The following ZHX3 variants were observed in gnomAD, a reference collection of about 807,000 sequenced individuals.
ZHX3 encodes zinc fingers and homeoboxes protein 3.
Under a neutral mutation model 64.5 loss-of-function variants are expected in ZHX3, and 20 were observed. The observed-to-expected ratio is 0.31, with a 90% CI of 0.22 to 0.45. The LOEUF is 0.45. Ranked by LOEUF, ZHX3 falls within the 20% of genes least tolerant of loss-of-function variation. The pLI, the probability that ZHX3 is intolerant of heterozygous loss-of-function variation, is 1.00. For missense variants in ZHX3, 1,041 were observed against 1,195.8 expected (o/e 0.87, Z 1.91); for synonymous variants, 423 against 461.6 (o/e 0.92, Z 1.07).
At chr20:41,225,553 T>A (rs914023141) in intron 2 of ZHX3, among the ~76,000 whole-genome samples, 1 of 152,214 alleles carries the variant, frequency 6.6e-6, no homozygotes, top group Admixed American at 6.5e-5. Flanking sequence ...AGTGGCGTGA[T>A]CTTGACTCAC....
intron 1 of ZHX3, among the ~76,000 whole-genome samples, chr20:41,279,725 T>C (rs2043575163): frequency 6.6e-6 from 1 of 152,164 alleles, no homozygotes; most frequent in African/African-American, 2.4e-5. Flanking sequence ...TGAGGACTTC[T>C]GGGCCAAAGG....
intron 2 of ZHX3, among the ~76,000 whole-genome samples, chr20:41,239,388 C>T (rs2041236181): frequency 6.6e-6 from 1 of 152,136 alleles, no homozygotes; most frequent in African/African-American, 2.4e-5. Context: ...AAGGTAACTC[C>T]AGCAGCCCCA....
At position 41,301,816 on chromosome 20, in the gene ZHX3, A is replaced by G. The variant is rs550733349; in HGVS notation, c.-245+15693T>C. 7.8e-3 allele frequency among the ~76,000 whole-genome samples: 1,185 copies of G among 152,156 alleles called. 12 individuals are homozygous for G. Among genetic ancestry groups the G allele is most frequent in the African/African-American group, 0.027 (1,122 of 41,496 alleles). On this transcript the variant is annotated intron_variant, in intron 1 of 3. Transcript: ENST00000683867. ...ACGCCTGTAATCCCAGCACTTTGGG[A>G]GGCCGAGGCGGGCGGATCACGAGGT...
chr20:41,258,256 A>G (rs890679147), intron 2 of ZHX3, among the ~76,000 whole-genome samples: 5 of 152,214 alleles, frequency 3.3e-5, no homozygotes, highest in Admixed American at 2.0e-4. Flanking sequence ...AAAAGTTGCA[A>G]AAATCGTACA....
At chr20:41,260,003 A>G (rs770962083) in intron 2 of ZHX3, among the ~76,000 whole-genome samples, 1 of 152,232 alleles carries the variant, frequency 6.6e-6, no homozygotes, top group East Asian at 1.9e-4. Flanking sequence ...CCAGAATGGA[A>G]TGATAGTTCA....
At chr20:41,216,798 A>G (rs1268285107) in intron 2 of ZHX3, among the ~76,000 whole-genome samples, 2 of 152,238 alleles carry the variant, frequency 1.3e-5, no homozygotes, top group Non-Finnish European at 2.9e-5. Flanking sequence ...CTTTCAAGTA[A>G]ACTGTACTGA....
intron 1 of ZHX3, among the ~76,000 whole-genome samples, chr20:41,311,100 G>T (rs990039840): frequency 6.6e-6 from 1 of 152,112 alleles, no homozygotes; most frequent in Non-Finnish European, 1.5e-5. Context: ...GAGCCACCGT[G>T]CCCGGCCAAT....
At chr20:41,283,471 T>C (rs1312672493) in intron 1 of ZHX3, among the ~76,000 whole-genome samples, 2 of 152,110 alleles carry the variant, frequency 1.3e-5, no homozygotes, top group African/African-American at 4.8e-5. Flanking sequence ...AACATCACTT[T>C]TATCGGGCCA....
chr20:41,253,548 G>C (rs2042093344), intron 2 of ZHX3, among the ~76,000 whole-genome samples: 1 of 152,144 alleles, frequency 6.6e-6, no homozygotes, highest in African/African-American at 2.4e-5. Context: ...TATAAAAATA[G>C]TAGATATTCC....
chr20:41,257,604 TTTTC>T (rs982964905), intron 2 of ZHX3, among the ~76,000 whole-genome samples: 36 of 151,782 alleles, frequency 2.4e-4, no homozygotes, highest in East Asian at 3.9e-4. Flanking sequence ...ATTTGTTTTC[TTTTC>T]TTTCTTTTTT....
At chr20:41,286,788 T>C (rs539656176) in intron 1 of ZHX3, among the ~76,000 whole-genome samples, 6 of 152,314 alleles carry the variant, frequency 3.9e-5, no homozygotes, top group Non-Finnish European at 8.8e-5. Flanking sequence ...AATTCCCACA[T>C]GTCAAAGGAG....
At chr20:41,205,745 A>C (rs1172030129) in intron 2 of ZHX3, among the ~76,000 whole-genome samples, 2 of 152,218 alleles carry the variant, frequency 1.3e-5, no homozygotes, top group African/African-American at 4.8e-5. Flanking sequence ...GGGTCAGGGA[A>C]TCCACAGAAC....
chr20:41,185,336 T>G lies in ZHX3; in HGVS notation c.2861-135A>C. On this transcript the variant is annotated intron_variant, in intron 3 of 3. Coordinates refer to ENST00000683867, the MANE Select transcript of ZHX3 (RefSeq NM_001384317.1). The surrounding 1 kb of genome is among the most constrained non-coding windows in gnomAD (Gnocchi z 5.0). ...TAATTCCATGAGCAATGAATGGCCT[T>G]CTGCCACCCACTCCCCCACCCTCCA... 1 of 1,071,920 alleles carries G rather than the reference T, an allele frequency of 9.3e-7. No individual in the cohort carries two copies. Among genetic ancestry groups the G allele is most frequent in the South Asian group, 1.6e-5 (1 of 61,072 alleles). The allele number at this position is 1,071,920 out of a possible 1,614,324, so 66.4% of individuals were successfully genotyped here.
chr20:41,218,937 T>G (rs968609270), intron 2 of ZHX3, among the ~76,000 whole-genome samples: 11 of 146,778 alleles, frequency 7.5e-5, no homozygotes, highest in African/African-American at 2.5e-4. Context: ...TTTTTTTTTT[T>G]TTTTTTTTTT....
intron 1 of ZHX3, among the ~76,000 whole-genome samples, chr20:41,291,514 G>C (rs2044236758): frequency 6.6e-6 from 1 of 152,002 alleles, no homozygotes; most frequent in Admixed American, 6.6e-5. Context: ...TAATAATTCA[G>C]CAAGCACAGA....
chr20:41,261,304 A>AAG (rs2042551534), intron 2 of ZHX3, among the ~76,000 whole-genome samples: 1 of 152,200 alleles, frequency 6.6e-6, no homozygotes, highest in East Asian at 1.9e-4. Context: ...TAAAACCTCA[A>AAG]AGAAGCTCAG....
intron 2 of ZHX3, among the ~76,000 whole-genome samples, chr20:41,255,570 C>T (rs1047782020): frequency 6.6e-6 from 1 of 152,096 alleles, no homozygotes; most frequent in Non-Finnish European, 1.5e-5. Context: ...ATCATTTATC[C>T]ACTGCACTCT....
At chr20:41,281,209 A>G (rs1279102361) in intron 1 of ZHX3, among the ~76,000 whole-genome samples, 2 of 152,156 alleles carry the variant, frequency 1.3e-5, no homozygotes, top group East Asian at 3.8e-4. Context: ...AGGAAAAATA[A>G]TTTTAAGCAT....
At chr20:41,289,177 A>G (rs1452814827) in intron 1 of ZHX3, among the ~76,000 whole-genome samples, 4 of 148,594 alleles carry the variant, frequency 2.7e-5, no homozygotes, top group Non-Finnish European at 6.0e-5. Context: ...ATTTTTTTGT[A>G]GAGACAGGGA....
Sources: gnomAD v4.1 joint callset for allele counts (sites outside exome capture counted in the v4.1 genomes callset) on GRCh38, gnomAD v4.1.1 for gene constraint, Gnocchi (gnomAD v3.1) non-coding constraint, MANE v1.5 for transcripts, NCBI Gene and HGNC (gene_info 2026-07-23, HGNC 2026-07-21) for gene names.